The following ARHGAP32 variants were observed in gnomAD, a reference collection of about 807,000 sequenced individuals.
The protein encoded by ARHGAP32 is rho GTPase-activating protein 32.
A neutral mutation model predicts 186.5 loss-of-function variants in ARHGAP32; 51 were observed. That is an observed-to-expected ratio of 0.27 (90% CI 0.22 to 0.35). The LOEUF (loss-of-function observed/expected upper bound fraction) is 0.35. Ranked by LOEUF, ARHGAP32 falls within the 10% of genes least tolerant of loss-of-function variation. The pLI, the probability that ARHGAP32 is intolerant of heterozygous loss-of-function variation, is 1.00. For missense variants in ARHGAP32, 2,186 were observed against 2,623.5 expected (o/e 0.83, Z 3.64); for synonymous variants, 950 against 964.3 (o/e 0.99, Z 0.27).
chr11:129,096,965 A>G (rs1941747219), intron 5 of ARHGAP32, among the ~76,000 whole-genome samples: 1 of 152,228 alleles, frequency 6.6e-6, no homozygotes, highest in Non-Finnish European at 1.5e-5. Context: ...AGAAGACATT[A>G]AGTTCCAACT....
Position 129,027,014 on chromosome 11 carries a change from T to C in ARHGAP32, c.1045+13914A>G, listed in dbSNP as rs1290608164. Among the ~76,000 whole-genome samples the C allele has an allele frequency of 3.7e-4, 53 of 144,716 alleles. 1 individual carries two copies. Among genetic ancestry groups the C allele is most frequent in the Non-Finnish European group, 1.8e-4 (12 of 66,092 alleles). The allele number at this position is 144,716 out of a possible 152,430, so 94.9% of individuals were successfully genotyped here. On this transcript the variant is annotated intron_variant, in intron 11 of 22. Transcript: ENST00000682385. ...CTCGGGAGGCTGAGGCAGGAGAATC[T>C]CTTGAACCCGGGAGGCGGAGCTTGC...
In ARHGAP32 at chr11:129,123,920, A is replaced by T; in HGVS notation, c.327T>A (p.Thr109=). The T allele has an allele frequency of 1.0e-5, 13 of 1,292,306 alleles. No homozygotes were observed. The highest frequency in any genetic ancestry group is 1.2e-5 in the Non-Finnish European group (12 of 990,750). The allele number at this position is 1,292,306 out of a possible 1,614,324, so 80.1% of individuals were successfully genotyped here. The part of the protein sequence containing the change: ...MKVKHVKKST[T]PGLMGCDNIH... The stretch of plus-strand genomic sequence containing the variant: ...TGTTGTCACAGCCCATCAGTCCTGG[A>T]GTGGTGGACCTGAACGCAGAATGAA... The change falls in exon 4 of 23, where the codon ACT becomes ACA. Residue 109 remains threonine (T), a synonymous_variant. Transcript: ENST00000682385. The surrounding 1 kb of genome is among the most constrained non-coding windows in gnomAD (Gnocchi z 4.6).
At chr11:128,991,833 G>A (rs1434030369) in intron 12 of ARHGAP32, among the ~76,000 whole-genome samples, 5 of 152,198 alleles carry the variant, frequency 3.3e-5, no homozygotes, top group African/African-American at 1.2e-4. Context: ...ATGGCTAAAA[G>A]AAGTAGGAAG....
chr11:128,981,447 G>C lies in ARHGAP32; in HGVS notation c.1749C>G (p.Gly583=). 6.2e-7 allele frequency: 1 copy of C among 1,611,878 alleles called. No individual in the cohort carries two copies. Among genetic ancestry groups the C allele is most frequent in the South Asian group, 1.1e-5 (1 of 90,824 alleles). The change falls in exon 17 of 23, where the codon GGC becomes GGG. Residue 583 remains glycine (G), a synonymous_variant. Coordinates refer to ENST00000682385, the MANE Select transcript of ARHGAP32 (RefSeq NM_001378024.1). ...CCTCTTGCATGGCCATGCTGATTCT[G>C]CCGCTGAACAGCACATCAACGTGAT... ...ILNHVDVLFS[G]RISMAMQEGA...
intron 1 of ARHGAP32, among the ~76,000 whole-genome samples, chr11:129,217,109 GT>G (rs1281110067): frequency 6.6e-6 from 1 of 151,806 alleles, no homozygotes; most frequent in African/African-American, 2.4e-5. Flanking sequence ...ATTTTTTATA[GT>G]TTTGACTTTA....
At chr11:129,104,060 T>C (rs1941980213) in intron 5 of ARHGAP32, among the ~76,000 whole-genome samples, 1 of 152,046 alleles carries the variant, frequency 6.6e-6, no homozygotes, top group Non-Finnish European at 1.5e-5. Flanking sequence ...AAAAGAGATT[T>C]ACCAAGATGT....
intron 1 of ARHGAP32, 97 bp from the exon 2 acceptor site, chr11:129,164,524 G>T: frequency 2.8e-6 from 2 of 702,994 alleles, no homozygotes; most frequent in Non-Finnish European, 4.7e-6. Flanking sequence ...CTACATGTCA[G>T]ATTTGAAGTT....
intron 2 of ARHGAP32, among the ~76,000 whole-genome samples, chr11:129,130,496 A>G (rs947911883): frequency 3.3e-5 from 5 of 152,080 alleles, no homozygotes; most frequent in Non-Finnish European, 5.9e-5. Context: ...TACTCAACAT[A>G]TATAAAGAAA....
At chr11:129,099,611 T>C (rs1941832456) in intron 5 of ARHGAP32, among the ~76,000 whole-genome samples, 1 of 151,910 alleles carries the variant, frequency 6.6e-6, no homozygotes, top group Non-Finnish European at 1.5e-5. Flanking sequence ...AGATATTCCA[T>C]GCAAATTGAA....
At chr11:129,205,055 G>A (rs533083285) in intron 1 of ARHGAP32, among the ~76,000 whole-genome samples, 2 of 151,948 alleles carry the variant, frequency 1.3e-5, no homozygotes, top group Non-Finnish European at 2.9e-5. Context: ...AATATAACAG[G>A]GAAGTAAAAA....
At chr11:129,008,698 A>T (rs1021375325) in intron 11 of ARHGAP32, among the ~76,000 whole-genome samples, 1 of 152,234 alleles carries the variant, frequency 6.6e-6, no homozygotes. Context: ...GTTAAAACTT[A>T]CTTGCAATCT....
intron 11 of ARHGAP32, among the ~76,000 whole-genome samples, chr11:129,036,330 A>C (rs1000405001): frequency 6.9e-6 from 1 of 144,458 alleles, no homozygotes; most frequent in East Asian, 2.2e-4. Context: ...CAGTGAGCTG[A>C]GATCGCGCCA....
At chr11:129,100,581 G>A (rs376235332) in intron 5 of ARHGAP32, among the ~76,000 whole-genome samples, 25 of 152,246 alleles carry the variant, frequency 1.6e-4, no homozygotes, top group African/African-American at 5.8e-4. Flanking sequence ...GTGAACAAGA[G>A]TGCAATCCAC....
intron 1 of ARHGAP32, among the ~76,000 whole-genome samples, chr11:129,276,425 C>A (rs1477277991): frequency 1.3e-5 from 2 of 152,122 alleles, no homozygotes; most frequent in Non-Finnish European, 2.9e-5. Context: ...CTCAACCTCC[C>A]GAGTAGCCAG....
At chr11:128,982,561 C>A (rs751938800) in intron 15 of ARHGAP32, among the ~76,000 whole-genome samples, 2 of 151,420 alleles carry the variant, frequency 1.3e-5, no homozygotes, top group Non-Finnish European at 2.9e-5. Flanking sequence ...TGTCTCAAAG[C>A]GTCCTACCTA....
At chr11:129,025,026 G>A (rs1052937421) in intron 11 of ARHGAP32, among the ~76,000 whole-genome samples, 1 of 151,972 alleles carries the variant, frequency 6.6e-6, no homozygotes, top group Non-Finnish European at 1.5e-5. Context: ...CCATTCCAAT[G>A]ACTTTTTACT....
chr11:129,268,501 G>A lies in ARHGAP32; in HGVS notation c.-5+10645C>T, dbSNP rs573182986. ...ATTCTGATATTAGAGAAAGGCAGAT[G>A]GCATATTCCCTGGGGGCCTATATAG... On this transcript the variant is annotated intron_variant, in intron 1 of 6. Transcript: ENST00000525234. Among the ~76,000 whole-genome samples, 184 of 151,972 alleles carry A rather than the reference G, an allele frequency of 1.2e-3. 3 individuals are homozygous for A. The highest frequency in any genetic ancestry group is 4.2e-3 in the African/African-American group (173 of 41,494).
rs774073683 is a variant in ARHGAP32 at position 129,062,307 on chromosome 11, T to G, written c.936A>C (p.Thr312=). 1.2e-6 allele frequency: 2 copies of G among 1,613,762 alleles called. No homozygotes were observed. Among genetic ancestry groups the G allele is most frequent in the Non-Finnish European group, 1.7e-6 (2 of 1,179,730 alleles). ...GGAATCCGTGCTTGCCTCTCCACCA[T>G]GTGCTTAACACTTTCGGGGGCATGT... The part of the protein sequence containing the change: ...VIDMPPKVLS[T]WWRGKHGFQV... Residue 312 remains threonine (T), a synonymous_variant, in exon 10 of 23, where the codon ACA becomes ACC. Coordinates refer to ENST00000682385, the MANE Select transcript of ARHGAP32 (RefSeq NM_001378024.1).
intron 7 of ARHGAP32, 51 bp from the exon 8 acceptor site, chr11:129,064,984 G>T: frequency 1.4e-6 from 2 of 1,429,524 alleles, no homozygotes; most frequent in South Asian, 1.3e-5. Flanking sequence ...TATGCTCTCT[G>T]GCAGGGAAAA....
Sources: allele counts gnomAD v4.1 joint callset (sites outside exome capture counted in the v4.1 genomes callset), GRCh38; gene constraint gnomAD v4.1.1; non-coding constraint Gnocchi (gnomAD v3.1); transcripts MANE v1.5; gene names NCBI Gene and HGNC (gene_info 2026-07-23, HGNC 2026-07-21).